SRCAP: variants seen among roughly 807,000 people sequenced by gnomAD.
SRCAP encodes chromatin remodeling protein SRCAP.
Under a neutral mutation model 263.1 loss-of-function variants are expected in SRCAP, and 46 were observed. The observed-to-expected ratio is 0.17, with a 90% confidence interval of 0.14 to 0.22. SRCAP has a LOEUF of 0.22. Among genes scored for constraint, SRCAP ranks in the 10% least tolerant of loss-of-function variants. The probability of loss-of-function intolerance (pLI) is 1.00; values close to 1 mark genes in which losing one functional copy is unlikely to be tolerated. For missense variants in SRCAP, 3,695 were observed against 4,181.9 expected (o/e 0.88, Z 3.21); for synonymous variants, 1,813 against 1,662.1 (o/e 1.09, Z -2.21).
intron 30 of SRCAP, 89 bp downstream of exon 30, chr16:30,734,097 C>T: frequency 1.7e-6 from 2 of 1,195,112 alleles, no homozygotes; most frequent in Admixed American, 2.4e-5. Flanking sequence ...CTGCTTTGGA[C>T]TTTGGGAGGC....
At chr16:30,734,248 C>T in intron 30 of SRCAP, 1 of 624,682 alleles carries the variant, frequency 1.6e-6, no homozygotes, top group Admixed American at 3.2e-5. Context: ...AAGGCTGAGG[C>T]AGGAGAATCA....
Position 30,720,920 on chromosome 16 carries a change from G to A in SRCAP, c.3195G>A (p.Arg1065=). The A allele has an allele frequency of 1.2e-6, 2 of 1,613,980 alleles. No homozygotes were observed. Among genetic ancestry groups the A allele is most frequent in the South Asian group, 2.2e-5 (2 of 91,064 alleles). The change falls in exon 20 of 34, where the codon CGG becomes CGA. Residue 1065 remains arginine (R), a synonymous_variant. Transcript: ENST00000262518. ...PAGPPLIPAS[R]PPGPVLLPPL... ...GGCCCCCGCTTATTCCTGCATCTCG[G>A]CCTCCTGGCCCTGTCCTCTTGCCTC...
chr16:30,710,925 A>G, intron 9 of SRCAP, 74 bp from the exon 10 acceptor site: 3 of 1,598,690 alleles, frequency 1.9e-6, no homozygotes, highest in Non-Finnish European at 2.6e-6. Context: ...AGGCTTTCTC[A>G]TCTGTTTCAT....
chr16:30,716,454 GGGCCAC>G lies in SRCAP; in HGVS notation c.2795_2800del (p.Ala932_Thr933del). Reference sequence around the variant, plus strand: ...TTCAGCACCGCCTCTCTGGTGCTAAGGGCCACGGATGTCCATCCCCTCCAGGTAAGT... The same window carrying G: ...TTCAGCACCGCCTCTCTGGTGCTAAGGGATGTCCATCCCCTCCAGGTAAGT... On this transcript the variant is annotated inframe_deletion, in exon 18 of 34. Transcript: ENST00000262518. 6.2e-7 allele frequency: 1 copy of G among 1,613,696 alleles called. No individual in the cohort carries two copies.
At chr16:30,718,006 T>TA (rs909026443) in intron 18 of SRCAP, among the ~76,000 whole-genome samples, 3 of 151,472 alleles carry the variant, frequency 2.0e-5, no homozygotes, top group African/African-American at 7.3e-5. Flanking sequence ...GCTGGAACTA[T>TA]ATGCGTGCAC....
intron 4 of SRCAP, among the ~76,000 whole-genome samples, chr16:30,705,926 G>A (rs893252472): frequency 3.9e-5 from 6 of 152,208 alleles, no homozygotes; most frequent in African/African-American, 2.4e-5. Context: ...AGATGGTCTC[G>A]ATCTCCTGAC....
In SRCAP at chr16:30,722,623, A is replaced by G. The variant is rs1210257135; in HGVS notation, c.3767A>G (p.His1256Arg). 4 of 1,613,850 alleles carry G rather than the reference A, an allele frequency of 2.5e-6. No homozygotes were observed. The highest frequency in any genetic ancestry group is 1.7e-5 in the Admixed American group (1 of 59,982). ...GQHHLISQPA[H>R]VALIQAVAPT... ...CACCATCTCATCAGCCAGCCTGCCCATGTGGCCCTCATCCAGGCCGTGGCC... is the reference window on the plus strand; with the variant it reads ...CACCATCTCATCAGCCAGCCTGCCCGTGTGGCCCTCATCCAGGCCGTGGCC... The change falls in exon 23 of 34, where the codon CAT (histidine) becomes CGT (arginine). Residue 1256 changes from histidine (H) to arginine (R), a missense_variant. Coordinates refer to ENST00000262518, the MANE Select transcript of SRCAP (RefSeq NM_006662.3).
Position 30,709,738 on chromosome 16 carries a change from G to A in SRCAP, c.856+3G>A. ...TGCTTCTCGCCTGGATGATGAAGGT[G>A]TGTGTTCTCTTTGGTCCTGTTACTC... On this transcript the variant is annotated splice_donor_region_variant and intron_variant, in intron 7 of 33. Coordinates refer to ENST00000262518, the MANE Select transcript of SRCAP (RefSeq NM_006662.3). 6.2e-7 allele frequency: 1 copy of A among 1,614,144 alleles called. No homozygotes were observed. The highest frequency in any genetic ancestry group is 8.5e-7 in the Non-Finnish European group (1 of 1,180,032).
intron 24 of SRCAP, 138 bp downstream of exon 24, chr16:30,723,367 G>A (rs1157928591): frequency 7.0e-7 from 1 of 1,429,414 alleles, no homozygotes; most frequent in East Asian, 2.4e-5. Flanking sequence ...CCAGAACTGG[G>A]CTGCCTGAGC....
chr16:30,704,463 C>A, intron 4 of SRCAP, 148 bp downstream of exon 4: 1 of 924,658 alleles, frequency 1.1e-6, no homozygotes, highest in Non-Finnish European at 1.6e-6. Context: ...GAGCAAACTG[C>A]TTGAATATTG....
intron 18 of SRCAP, among the ~76,000 whole-genome samples, chr16:30,719,729 A>T (rs964038662): frequency 1.3e-5 from 2 of 151,924 alleles, no homozygotes; most frequent in African/African-American, 4.8e-5. Flanking sequence ...GCCTAGGGTG[A>T]TCTCAAATTC....
chr16:30,729,688 A>G lies in SRCAP; in HGVS notation c.6127+116A>G, dbSNP rs529589584. On this transcript the variant is annotated intron_variant, in intron 27 of 33. Coordinates refer to ENST00000262518, the MANE Select transcript of SRCAP (RefSeq NM_006662.3). ...TCTTGCGATTTCTGTAAAGCTTTAG[A>G]TGGTTTTTTAGGTTATGCTTATGGG... The G allele has an allele frequency of 2.9e-5, 37 of 1,288,558 alleles. 1 individual carries two copies. In the East Asian group the frequency reaches 3.7e-4, roughly 13 times the overall value. The allele number at this position is 1,288,558 out of a possible 1,614,324, so 79.8% of individuals were successfully genotyped here.
At position 30,738,010 on chromosome 16, in the gene SRCAP, C is replaced by T; in HGVS notation, c.7970C>T (p.Ser2657Leu). Residue 2657 changes from serine to leucine, a missense_variant, in exon 34 of 34, where the codon TCA becomes TTA. Transcript: ENST00000262518. ...SESNGLELPPSAASDEPLQEP... is the reference protein window; with the variant it reads ...SESNGLELPPLAASDEPLQEP... The stretch of plus-strand genomic sequence containing the variant: ...AGCAATGGCCTGGAGCTCCCACCCT[C>T]AGCAGCATCTGATGAGCCACTTCAG... 6.2e-7 allele frequency: 1 copy of T among 1,614,086 alleles called. No individual in the cohort carries two copies. Among genetic ancestry groups the T allele is most frequent in the Non-Finnish European group, 8.5e-7 (1 of 1,180,022 alleles).
At chr16:30,715,784 A>G (rs1013301776) in intron 16 of SRCAP, among the ~76,000 whole-genome samples, 1 of 152,048 alleles carries the variant, frequency 6.6e-6, no homozygotes, top group Non-Finnish European at 1.5e-5. Flanking sequence ...TCATCTTGTA[A>G]ACTTAACAAT....
At position 30,700,787 on chromosome 16, in the gene SRCAP, T is replaced by C. The variant is rs200417893; in HGVS notation, c.-38T>C. 3.2e-3 allele frequency: 5,175 copies of C among 1,604,516 alleles called. 15 individuals carry two copies. Among genetic ancestry groups the C allele is most frequent in the Non-Finnish European group, 4.1e-3 (4,763 of 1,171,890 alleles). On this transcript the variant is annotated 5_prime_UTR_variant, in exon 3 of 34. Transcript: ENST00000262518. The stretch of plus-strand genomic sequence containing the variant: ...AGTACTGGTGATAACAACCCAGTCA[T>C]TCTTCAGGCATCCAAGGGGGAGCCT...
Position 30,723,126 on chromosome 16 carries a change from G to C in SRCAP, c.4056G>C (p.Arg1352=), listed in dbSNP as rs770414698. The change falls in exon 24 of 34, where the codon CGG becomes CGC. Residue 1352 remains arginine, a synonymous_variant. Coordinates refer to ENST00000262518, the MANE Select transcript of SRCAP (RefSeq NM_006662.3). The part of the protein sequence containing the change: ...LNPRPTLTPG[R]LPTPTLGTAR... The stretch of plus-strand genomic sequence containing the variant: ...CACGCCCCACGTTAACCCCTGGCCG[G>C]CTACCCACACCTACTCTGGGTACTG... 6.2e-7 allele frequency: 1 copy of C among 1,614,004 alleles called. No individual in the cohort carries two copies. Among genetic ancestry groups the C allele is most frequent in the South Asian group, 1.1e-5 (1 of 91,066 alleles).
At position 30,713,448 on chromosome 16, in the gene SRCAP, T is replaced by A; in HGVS notation, c.2300+71T>A. 5 of 1,610,466 alleles carry A rather than the reference T, an allele frequency of 3.1e-6. No homozygotes were observed. The South Asian group carries it at 5.5e-5, about 18-fold the overall frequency. ...AGGGAGGGCTGCCTGGGTTGAGGAA[T>A]GTATCAGAATGCTCAGAAGGTTGGG... On this transcript the variant is annotated intron_variant, in intron 15 of 33. Coordinates refer to ENST00000262518, the MANE Select transcript of SRCAP (RefSeq NM_006662.3).
At chr16:30,731,457 G>C (rs1307946048) in intron 27 of SRCAP, among the ~76,000 whole-genome samples, 1 of 152,054 alleles carries the variant, frequency 6.6e-6, no homozygotes, top group Non-Finnish European at 1.5e-5. Flanking sequence ...AAATTTCCTA[G>C]AATATAAGAA....
At position 30,733,766 on chromosome 16, in the gene SRCAP, A is replaced by G; in HGVS notation, c.6462A>G (p.Arg2154=). The stretch of plus-strand genomic sequence containing the variant: ...CTCAGGCCCAGGACCGCTGTCACCG[A>G]ATTGGCCAGACCCGGGATGTCCACA... ...MDAQAQDRCH[R]IGQTRDVHIY... is the part of the protein sequence containing the mutation. The change falls in exon 29 of 34, where the codon CGA becomes CGG. Residue 2154 remains arginine, a synonymous_variant. Transcript: ENST00000262518. This position sits in a 1 kb window ranked among gnomAD's most constrained non-coding sequence, Gnocchi z 5.3. 1 of 1,614,096 alleles carries G rather than the reference A, an allele frequency of 6.2e-7. No individual in the cohort carries two copies. Among genetic ancestry groups the G allele is most frequent in the African/African-American group, 1.3e-5 (1 of 75,020 alleles).
Sources: allele counts gnomAD v4.1 joint callset (sites outside exome capture counted in the v4.1 genomes callset), GRCh38; gene constraint gnomAD v4.1.1; non-coding constraint Gnocchi (gnomAD v3.1); transcripts MANE v1.5; gene names NCBI Gene and HGNC (gene_info 2026-07-23, HGNC 2026-07-21).